The following SGTB variants were observed in gnomAD, a reference collection of about 807,000 sequenced individuals.
SGTB encodes small glutamine rich tetratricopeptide repeat co-chaperone beta.
Under a neutral mutation model 43.9 loss-of-function variants are expected in SGTB, and 19 were observed. That is an observed-to-expected ratio of 0.43 (90% CI 0.30 to 0.63). The LOEUF (loss-of-function observed/expected upper bound fraction) is 0.63, where lower values mean the gene tolerates loss of function less well. SGTB is among the 30% of genes least tolerant of loss of function. The pLI, the probability that SGTB is intolerant of heterozygous loss-of-function variation, is 0.12. For missense variants in SGTB, 304 were observed against 358.9 expected (o/e 0.85, Z 1.24); for synonymous variants, 116 against 117.3 (o/e 0.99, Z 0.07).
chr5:65,686,684 T>G (rs1365041856), intron 5 of SGTB, among the ~76,000 whole-genome samples: 1 of 152,122 alleles, frequency 6.6e-6, no homozygotes, highest in Non-Finnish European at 1.5e-5. Context: ...TAATTGTCCT[T>G]AAAAACAATC....
At chr5:65,713,509 G>C (rs1758088507) in intron 2 of SGTB, among the ~76,000 whole-genome samples, 1 of 151,992 alleles carries the variant, frequency 6.6e-6, no homozygotes. Flanking sequence ...GCAGAGACAG[G>C]GTCTTGCCAG....
intron 6 of SGTB, among the ~76,000 whole-genome samples, chr5:65,682,487 T>C (rs1290960423): frequency 6.6e-6 from 1 of 152,196 alleles, no homozygotes; most frequent in Non-Finnish European, 1.5e-5. Context: ...AGGTAAGAGA[T>C]GTAGTTTGGA....
chr5:65,718,569 A>G (rs1020180373), intron 2 of SGTB, among the ~76,000 whole-genome samples: 6 of 152,222 alleles, frequency 3.9e-5, no homozygotes, highest in African/African-American at 1.2e-4. Flanking sequence ...GGAGTGGGTG[A>G]CATAATCTGA....
chr5:65,694,561 C>G (rs1045376490), intron 5 of SGTB, among the ~76,000 whole-genome samples: 2 of 152,080 alleles, frequency 1.3e-5, no homozygotes, highest in African/African-American at 4.8e-5. Flanking sequence ...CTGCAACCTC[C>G]GCCTCCCGGA....
chr5:65,714,860 T>C (rs897426286), intron 2 of SGTB, among the ~76,000 whole-genome samples: 36 of 152,242 alleles, frequency 2.4e-4, no homozygotes, highest in African/African-American at 7.9e-4. Context: ...GCACCTGAAA[T>C]TGCATTTTTA....
chr5:65,718,726 A>G (rs1758196647), intron 2 of SGTB, among the ~76,000 whole-genome samples: 1 of 152,152 alleles, frequency 6.6e-6, no homozygotes, highest in African/African-American at 2.4e-5. Flanking sequence ...AATTAGACTC[A>G]CAGAGTCAAA....
At chr5:65,679,399 G>A (rs572079917) in intron 8 of SGTB, among the ~76,000 whole-genome samples, 1 of 152,228 alleles carries the variant, frequency 6.6e-6, no homozygotes, top group South Asian at 2.1e-4. Flanking sequence ...GAGGCAGGCG[G>A]ATCACCAGAG....
At chr5:65,707,520 C>T (rs753685615) in intron 4 of SGTB, among the ~76,000 whole-genome samples, 99 of 151,434 alleles carry the variant, frequency 6.5e-4, no homozygotes, top group Non-Finnish European at 2.7e-4. Flanking sequence ...CTGCAACCTC[C>T]GCCTGCCGGG....
At chr5:65,709,134 A>T (rs547348644) in intron 3 of SGTB, among the ~76,000 whole-genome samples, 1 of 152,302 alleles carries the variant, frequency 6.6e-6, no homozygotes, top group African/African-American at 2.4e-5. Context: ...ATAAAAAAAA[A>T]TGGAATTAGT....
chr5:65,700,263 G>T (rs1757786802), intron 5 of SGTB, among the ~76,000 whole-genome samples: 1 of 152,158 alleles, frequency 6.6e-6, no homozygotes, highest in Non-Finnish European at 1.5e-5. Flanking sequence ...TGAAGGTACA[G>T]GACTTAAAGC....
In SGTB at chr5:65,710,923, C is replaced by G. The variant is rs997723457; in HGVS notation, c.204+2038G>C. ...AGGCAGGAGAATCACTTGAAACTGG[C>G]AGGCAGAAGTTGCAGTCAGCTGAGA... is the stretch of plus-strand genomic sequence containing the variant. On this transcript the variant is annotated intron_variant, in intron 3 of 10. Coordinates refer to ENST00000381007, the MANE Select transcript of SGTB (RefSeq NM_019072.3). Among the ~76,000 whole-genome samples the G allele has an allele frequency of 2.0e-5, 3 of 147,098 alleles. No individual in the cohort carries two copies. The Admixed American group carries it at 2.1e-4, about 10-fold the overall frequency.
chr5:65,700,561 GT>G (rs1757793416), intron 5 of SGTB, among the ~76,000 whole-genome samples: 1 of 151,338 alleles, frequency 6.6e-6, no homozygotes, highest in Non-Finnish European at 1.5e-5. Context: ...GGCGCCTGTA[GT>G]CCCAGCCACT....
intron 4 of SGTB, among the ~76,000 whole-genome samples, chr5:65,706,291 T>C (rs1757931499): frequency 1.3e-5 from 2 of 152,340 alleles, no homozygotes; most frequent in South Asian, 2.1e-4. Context: ...TTAGCAAAGA[T>C]AGTTTGATTT....
chr5:65,676,262 A>G (rs1757262680), intron 8 of SGTB, among the ~76,000 whole-genome samples: 1 of 152,162 alleles, frequency 6.6e-6, no homozygotes, highest in Non-Finnish European at 1.5e-5. Flanking sequence ...GGTTGCAGTG[A>G]GCTGAAATTG....
intron 5 of SGTB, among the ~76,000 whole-genome samples, chr5:65,693,186 C>G (rs769007164): frequency 9.5e-5 from 14 of 147,338 alleles, no homozygotes; most frequent in Non-Finnish European, 1.6e-4. Context: ...GAGAGAAGGA[C>G]AGGACAGGAT....
intron 3 of SGTB, among the ~76,000 whole-genome samples, chr5:65,711,216 G>C (rs1045663225): frequency 2.0e-5 from 3 of 152,074 alleles, no homozygotes; most frequent in East Asian, 3.9e-4. Context: ...AGATATACTA[G>C]GCAGCCAGTT....
rs755626913 is a variant in SGTB at position 65,680,483 on chromosome 5, A to T, written c.681+11T>A. On this transcript the variant is annotated intron_variant, in intron 8 of 10. Coordinates refer to ENST00000381007, the MANE Select transcript of SGTB (RefSeq NM_019072.3). ...CATAGCCAGTAGAGGCAGAAAAGAA[A>T]GTATACTCACCATACTAATGAAGGC... The T allele has an allele frequency of 6.2e-7, 1 of 1,613,862 alleles. No individual in the cohort carries two copies. The highest frequency in any genetic ancestry group is 8.5e-7 in the Non-Finnish European group (1 of 1,179,982).
chr5:65,676,291 T>C lies in SGTB; in HGVS notation c.682-4010A>G, dbSNP rs549433105. Among the ~76,000 whole-genome samples the C allele has an allele frequency of 1.4e-4, 21 of 151,582 alleles. No homozygotes were observed. The East Asian group carries it at 4.1e-3, about 29-fold the overall frequency. ...GAAATTGCGCCACTGTACTCCAGCC[T>C]GGGTGACAGAGCAAGACTCTGTCTC... On this transcript the variant is annotated intron_variant, in intron 8 of 10. Transcript: ENST00000381007.
chr5:65,718,667 A>G (rs1314104289), intron 2 of SGTB, among the ~76,000 whole-genome samples: 3 of 152,156 alleles, frequency 2.0e-5, no homozygotes, highest in Non-Finnish European at 4.4e-5. Context: ...GGCTTTTAAA[A>G]ATGTCTAGAA....
Sources: allele counts gnomAD v4.1 joint callset (sites outside exome capture counted in the v4.1 genomes callset), GRCh38; gene constraint gnomAD v4.1.1; transcripts MANE v1.5; gene names NCBI Gene and HGNC (gene_info 2026-07-23, HGNC 2026-07-21).